SOX5: variants seen among roughly 807,000 people sequenced by gnomAD.
SOX5 encodes the protein transcription factor SOX-5.
SOX5 carries 9 observed loss-of-function variants against 92.0 expected under a neutral mutation model. That is an observed-to-expected ratio of 0.10 (90% CI 0.06 to 0.17). The LOEUF (loss-of-function observed/expected upper bound fraction) is 0.17. Among genes scored for constraint, SOX5 ranks in the 10% least tolerant of loss-of-function variants. The pLI is 1.00. For synonymous variants in SOX5, 344 were observed against 336.3 expected (o/e 1.02, Z -0.25); for missense variants, 642 against 944.5 (o/e 0.68, Z 4.20).
intron 3 of SOX5, among the ~76,000 whole-genome samples, chr12:24,247,150 A>C (rs1938968695): frequency 6.6e-6 from 1 of 152,148 alleles, no homozygotes; most frequent in Non-Finnish European, 1.5e-5. Context: ...GCCGTGCCAA[A>C]TACTGTGCTG....
At chr12:23,904,719 G>A (rs2097272995) in intron 1 of SOX5, among the ~76,000 whole-genome samples, 1 of 150,358 alleles carries the variant, frequency 6.7e-6, no homozygotes, top group Non-Finnish European at 1.5e-5. Context: ...CTTCATCAAG[G>A]TTGCCCCCTA....
chr12:23,617,731 A>G (rs2076729107), intron 8 of SOX5, among the ~76,000 whole-genome samples: 2 of 152,316 alleles, frequency 1.3e-5, no homozygotes, highest in South Asian at 4.1e-4. Flanking sequence ...CTTCAAATGC[A>G]CGGGGTTTTA....
chr12:23,537,301 A>AATCTT (rs1426875098), intron 13 of SOX5, among the ~76,000 whole-genome samples: 3 of 152,164 alleles, frequency 2.0e-5, no homozygotes, highest in African/African-American at 7.2e-5. Flanking sequence ...CTTTCACCTC[A>AATCTT]ATCTTATAAA....
At chr12:23,845,228 C>A (rs1010609052) in intron 3 of SOX5, among the ~76,000 whole-genome samples, 6 of 152,146 alleles carry the variant, frequency 3.9e-5, no homozygotes, top group Non-Finnish European at 8.8e-5. Context: ...AAACAGGAGG[C>A]ATGTTCTTGT....
At chr12:24,224,731 A>C (rs1478926987) in intron 3 of SOX5, among the ~76,000 whole-genome samples, 1 of 152,208 alleles carries the variant, frequency 6.6e-6, no homozygotes, top group East Asian at 1.9e-4. Flanking sequence ...TATATCTCAT[A>C]GCTTTTGATA....
At chr12:24,051,195 C>G (rs908936583) in intron 4 of SOX5, among the ~76,000 whole-genome samples, 1 of 152,102 alleles carries the variant, frequency 6.6e-6, no homozygotes, top group South Asian at 2.1e-4. Context: ...TTGATTTTTT[C>G]TTTCACCCAG....
chr12:24,019,473 C>A (rs1240409490), intron 4 of SOX5, among the ~76,000 whole-genome samples: 1 of 152,210 alleles, frequency 6.6e-6, no homozygotes. Flanking sequence ...TAGGGATCCA[C>A]TGGCCCATCT....
chr12:23,778,569 G>A (rs1324466382), intron 3 of SOX5, among the ~76,000 whole-genome samples: 7 of 152,284 alleles, frequency 4.6e-5, no homozygotes, highest in Admixed American at 2.6e-4. Context: ...GTCATACCAC[G>A]AAGGATCTTG....
In SOX5 at chr12:23,740,850, C is replaced by T. The variant is rs773362443; in HGVS notation, c.741+17G>A. On this transcript the variant is annotated intron_variant, in intron 5 of 14. Coordinates refer to ENST00000451604, the MANE Select transcript of SOX5 (RefSeq NM_006940.6). ...TAATGTCTGAGGAATATGACTGCAT[C>T]GCTAGTTCTTACTCACTTGTTCTTG... The T allele has an allele frequency of 6.8e-5, 108 of 1,599,140 alleles. No individual in the cohort carries two copies. Among genetic ancestry groups the T allele is most frequent in the Middle Eastern group, 6.0e-4 (3 of 5,006 alleles).
At chr12:24,550,979 A>T (rs1953096718) in intron 1 of SOX5, among the ~76,000 whole-genome samples, 1 of 152,184 alleles carries the variant, frequency 6.6e-6, no homozygotes, top group East Asian at 1.9e-4. Flanking sequence ...TTTCAGATCA[A>T]ATGAGTAGTT....
At chr12:24,206,382 G>A (rs368460969) in intron 4 of SOX5, among the ~76,000 whole-genome samples, 8 of 152,322 alleles carry the variant, frequency 5.3e-5, no homozygotes, top group African/African-American at 1.9e-4. Flanking sequence ...AGTGATGGCA[G>A]TTTGACTCCT....
rs1204791140 is a variant in SOX5, at chr12:24,137,860, G to A, written c.-2+75483C>T. On this transcript the variant is annotated intron_variant, in intron 4 of 4. Transcript: ENST00000446891. Reference sequence around the variant, plus strand: ...AAAGCAATTGGCCGTAGCCAGGATCGTGATGCTGTTTGTGCCTTTTAACTA... The same window carrying A: ...AAAGCAATTGGCCGTAGCCAGGATCATGATGCTGTTTGTGCCTTTTAACTA... 2.6e-5 allele frequency among the ~76,000 whole-genome samples: 4 copies of A among 152,318 alleles called. No individual in the cohort carries two copies. In the East Asian group the frequency reaches 5.8e-4, roughly 22 times the overall value.
At chr12:23,719,447 T>C (rs1234919968) in intron 6 of SOX5, among the ~76,000 whole-genome samples, 1 of 152,012 alleles carries the variant, frequency 6.6e-6, no homozygotes, top group Admixed American at 6.6e-5. Context: ...AATGTTTCTT[T>C]ATAAAAAGGA....
At chr12:24,015,522 C>T (rs1221917399) in intron 4 of SOX5, among the ~76,000 whole-genome samples, 1 of 152,068 alleles carries the variant, frequency 6.6e-6, no homozygotes, top group Non-Finnish European at 1.5e-5. Context: ...CTTGTTCCCC[C>T]AATCAACAGC....
intron 4 of SOX5, among the ~76,000 whole-genome samples, chr12:24,048,608 G>C (rs890515806): frequency 6.6e-6 from 1 of 152,074 alleles, no homozygotes; most frequent in East Asian, 1.9e-4. Flanking sequence ...AAGCAACCCA[G>C]ATATCCATCA....
intron 4 of SOX5, among the ~76,000 whole-genome samples, chr12:24,085,353 A>G (rs1337240153): frequency 2.0e-5 from 3 of 152,020 alleles, no homozygotes; most frequent in Admixed American, 6.6e-5. Flanking sequence ...CATTCTCACC[A>G]TGGCTCTATG....
intron 2 of SOX5, among the ~76,000 whole-genome samples, chr12:23,887,041 T>C (rs970755668): frequency 3.3e-5 from 5 of 152,156 alleles, no homozygotes; most frequent in Admixed American, 1.3e-4. Context: ...CAGAATAAAT[T>C]GAAGAAATAT....
At chr12:24,210,419 T>C (rs945967361) in intron 4 of SOX5, among the ~76,000 whole-genome samples, 6 of 152,244 alleles carry the variant, frequency 3.9e-5, no homozygotes, top group Non-Finnish European at 5.9e-5. Flanking sequence ...TCAACTACTC[T>C]GTCTTTCCTG....
chr12:23,968,588 G>A (rs756091432), intron 4 of SOX5, among the ~76,000 whole-genome samples: 3 of 152,170 alleles, frequency 2.0e-5, no homozygotes, highest in Admixed American at 1.3e-4. Context: ...CAGGAAGAAG[G>A]CCCTCGCCAG....
Sources: allele counts gnomAD v4.1 joint callset (sites outside exome capture counted in the v4.1 genomes callset), GRCh38; gene constraint gnomAD v4.1.1; transcripts MANE v1.5; gene names NCBI Gene and HGNC (gene_info 2026-07-23, HGNC 2026-07-21).